PCDHA4: variants seen among roughly 807,000 people sequenced by gnomAD.
PCDHA4 encodes protocadherin alpha 4, also known as protocadherin alpha-4.
In PCDHA4, 49 loss-of-function variants were observed where a neutral mutation model predicts 61.4. That is an observed-to-expected ratio of 0.80 (90% CI 0.63 to 1.01). PCDHA4 has a LOEUF of 1.01. PCDHA4 is among the 50% of genes least tolerant of loss of function. The pLI is 0.00. For synonymous variants in PCDHA4, 590 were observed against 550.3 expected (o/e 1.07, Z -1.01); for missense variants, 1,254 against 1,235.8 (o/e 1.01, Z -0.22).
At chr5:140,966,626 C>T in intron 1 of PCDHA4, 9 of 925,184 alleles carry the variant, frequency 9.7e-6, no homozygotes, top group South Asian at 9.6e-5. Flanking sequence ...GAGGGAGCGG[C>T]CCCAGGCGCT....
intron 1 of PCDHA4, among the ~76,000 whole-genome samples, chr5:140,879,549 A>T (rs1345193552): frequency 2.0e-5 from 3 of 152,246 alleles, no homozygotes; most frequent in Admixed American, 6.5e-5. Context: ...AGAGAAAAAA[A>T]TAATCCATGA....
At chr5:140,878,562 T>C (rs2057643889) in intron 1 of PCDHA4, among the ~76,000 whole-genome samples, 1 of 152,210 alleles carries the variant, frequency 6.6e-6, no homozygotes, top group Non-Finnish European at 1.5e-5. Context: ...CCCAAACTTA[T>C]CATAGTATAC....
intron 1 of PCDHA4, chr5:140,859,908 T>C (rs1554152827): frequency 6.6e-6 from 1 of 150,380 alleles, no homozygotes; most frequent in Non-Finnish European, 1.5e-5. Context: ...CTTAATGTCT[T>C]ATATTATAAG....
At chr5:140,911,436 C>G (rs369054235) in intron 1 of PCDHA4, among the ~76,000 whole-genome samples, 14 of 152,124 alleles carry the variant, frequency 9.2e-5, no homozygotes, top group African/African-American at 2.4e-4. Flanking sequence ...TCCAATTTCC[C>G]GCAATTTCAG....
intron 1 of PCDHA4, chr5:140,815,761 G>A (rs1765789123): frequency 6.6e-6 from 1 of 152,074 alleles, no homozygotes; most frequent in Non-Finnish European, 1.5e-5. Context: ...TTCTTGTAAG[G>A]CAAGTCTAAT....
intron 1 of PCDHA4, among the ~76,000 whole-genome samples, chr5:140,878,642 A>T (rs868995118): frequency 6.6e-6 from 1 of 152,216 alleles, no homozygotes; most frequent in East Asian, 1.9e-4. Context: ...TTCTATTTCT[A>T]CAAAAATATC....
At chr5:140,828,757 C>T in intron 1 of PCDHA4, 1 of 1,614,234 alleles carries the variant, frequency 6.2e-7, no homozygotes, top group Non-Finnish European at 8.5e-7. Flanking sequence ...AACCTGAGCT[C>T]ACAGGCACTG....
intron 1 of PCDHA4, chr5:140,856,779 C>T (rs1554149103): frequency 6.3e-7 from 1 of 1,596,160 alleles, no homozygotes; most frequent in East Asian, 2.2e-5. Context: ...TTTGACAGAC[C>T]GGTTTATGAA....
intron 1 of PCDHA4, chr5:140,835,865 G>C: frequency 1.2e-6 from 2 of 1,612,146 alleles, no homozygotes; most frequent in Non-Finnish European, 8.5e-7. Flanking sequence ...CCTACTCGCT[G>C]GTGGAGCTGC....
At chr5:140,948,227 A>G (rs1214697523) in intron 1 of PCDHA4, among the ~76,000 whole-genome samples, 17 of 151,634 alleles carry the variant, frequency 1.1e-4, no homozygotes, top group African/African-American at 4.1e-4. Flanking sequence ...GTTAGATTTA[A>G]CTTGTATTTT....
At chr5:140,972,829 A>T (rs1554234573) in intron 1 of PCDHA4, among the ~76,000 whole-genome samples, 2 of 151,928 alleles carry the variant, frequency 1.3e-5, no homozygotes, top group African/African-American at 4.8e-5. Flanking sequence ...ACGCCTGGCT[A>T]ATTTTTGTAT....
chr5:140,923,245 G>T (rs1584300888), intron 1 of PCDHA4, among the ~76,000 whole-genome samples: 3 of 152,190 alleles, frequency 2.0e-5, no homozygotes, highest in East Asian at 1.9e-4. Context: ...TTTGAGACCA[G>T]CTGGGCAACA....
intron 1 of PCDHA4, among the ~76,000 whole-genome samples, chr5:140,935,064 T>C (rs782620164): frequency 5.9e-5 from 9 of 152,252 alleles, no homozygotes; most frequent in Admixed American, 2.0e-4. Flanking sequence ...GATGTTCAGA[T>C]TATCTTGTAC....
intron 1 of PCDHA4, among the ~76,000 whole-genome samples, chr5:140,891,208 C>T (rs2062983751): frequency 1.3e-5 from 2 of 152,002 alleles, no homozygotes; most frequent in African/African-American, 4.8e-5. Context: ...TTTTACCATG[C>T]TGTGTCTTTA....
intron 3 of PCDHA4, among the ~76,000 whole-genome samples, chr5:140,993,203 A>AT (rs200893072): frequency 0.015 from 2,264 of 152,198 alleles, 62 homozygotes; most frequent in African/African-American, 0.051. Flanking sequence ...ACTAAAGCTA[A>AT]TTTTTTTAGC....
rs1424640992 is a variant in PCDHA4 at position 140,843,839 on chromosome 5, T to A, written c.2385+34267T>A. On this transcript the variant is annotated intron_variant, in intron 1 of 3. Transcript: ENST00000530339. The stretch of plus-strand genomic sequence containing the variant: ...GAAAATTTAAACATTGTTTAGTTTT[T>A]AGAAACCTTTTATAATTAATTGAAT... The A allele has an allele frequency of 3.1e-5, 33 of 1,049,446 alleles. 4 individuals carry two copies. The Admixed American group carries it at 7.9e-4, about 25-fold the overall frequency. 65.0% of individuals were successfully genotyped at this position (1,049,446 alleles called of 1,614,324 possible).
intron 1 of PCDHA4, chr5:140,855,929 A>T (rs914508327): frequency 1.6e-6 from 2 of 1,278,216 alleles, no homozygotes; most frequent in Non-Finnish European, 2.2e-6. Context: ...AAGTAGCGTC[A>T]TTCTGAGATC....
intron 1 of PCDHA4, among the ~76,000 whole-genome samples, chr5:140,944,313 G>A (rs2093639720): frequency 6.6e-6 from 1 of 152,066 alleles, no homozygotes; most frequent in Non-Finnish European, 1.5e-5. Context: ...TCAGCCTCCT[G>A]AGTAGCTGGG....
chr5:140,821,628 A>G (rs1767016951), intron 1 of PCDHA4: 2 of 935,326 alleles, frequency 2.1e-6, no homozygotes, highest in Non-Finnish European at 3.1e-6. Flanking sequence ...TTCCTTAGAC[A>G]GAAAGGAAAA....
Sources: allele counts gnomAD v4.1 joint callset (sites outside exome capture counted in the v4.1 genomes callset), GRCh38; gene constraint gnomAD v4.1.1; transcripts MANE v1.5; gene names NCBI Gene and HGNC (gene_info 2026-07-23, HGNC 2026-07-21).